IRAG2: variants seen among roughly 807,000 people sequenced by gnomAD.
IRAG2 encodes inositol 1,4,5-triphosphate receptor associated 2.
IRAG2 carries 45 observed loss-of-function variants against 69.9 expected under a neutral mutation model. The observed-to-expected ratio is 0.64, with a 90% confidence interval of 0.51 to 0.83. The LOEUF (loss-of-function observed/expected upper bound fraction) is 0.83. Among genes scored for constraint, IRAG2 ranks in the 40% least tolerant of loss-of-function variants. The pLI is 0.00. For missense variants in IRAG2, 520 were observed against 587.0 expected, an observed-to-expected ratio of 0.89 and a Z score of 1.18; for synonymous variants, 193 against 202.4, an observed-to-expected ratio of 0.95 and a Z score of 0.40.
intron 8 of IRAG2, among the ~76,000 whole-genome samples, chr12:25,024,668 ATG>A (rs1313072531): frequency 6.6e-6 from 1 of 152,202 alleles, no homozygotes; most frequent in Non-Finnish European, 1.5e-5. Context: ...GTTATTCAAA[ATG>A]TGGGCCAAGT....
chr12:25,035,298 A>G (rs1039397175), intron 13 of IRAG2, among the ~76,000 whole-genome samples: 1 of 152,220 alleles, frequency 6.6e-6, no homozygotes, highest in African/African-American at 2.4e-5. Flanking sequence ...AAAAGAAGCC[A>G]ACCTGTTTTC....
At chr12:25,079,153 A>T in intron 6 of IRAG2, 91 bp from the exon 7 acceptor site, 1 of 1,280,922 alleles carries the variant, frequency 7.8e-7, no homozygotes. Flanking sequence ...GGGTTCATTT[A>T]GAATTGTATG....
chr12:25,104,195 T>C, intron 19 of IRAG2, 137 bp downstream of exon 19: 1 of 869,972 alleles, frequency 1.1e-6, no homozygotes, highest in South Asian at 1.7e-5. Flanking sequence ...TATAAATTGG[T>C]ATCTAATTAT....
intron 15 of IRAG2, among the ~76,000 whole-genome samples, chr12:25,098,451 G>A (rs556686976): frequency 6.6e-6 from 1 of 152,294 alleles, no homozygotes; most frequent in South Asian, 2.1e-4. Flanking sequence ...CTCCCAGCGT[G>A]TGAATCCTTA....
chr12:25,032,176 T>C (rs1944673423), exon 11 of IRAG2: 1 of 399,056 alleles, frequency 2.5e-6, no homozygotes, highest in Non-Finnish European at 4.4e-6. Context: ...AAATCAACCA[T>C]CATAGAATAT....
At position 25,108,288 on chromosome 12, in the gene IRAG2, A is replaced by G. The variant is rs1039108671; in HGVS notation, c.*228A>G. 2 of 559,446 alleles carry G rather than the reference A, an allele frequency of 3.6e-6. No individual in the cohort carries two copies. The highest frequency in any genetic ancestry group is 3.8e-5 in the African/African-American group (2 of 53,170). The allele number at this position is 559,446 out of a possible 1,614,324, so 34.7% of individuals were successfully genotyped here. On this transcript the variant is annotated 3_prime_UTR_variant, in exon 22 of 22. Coordinates refer to ENST00000556887, the MANE Select transcript of IRAG2 (RefSeq NM_001366544.2). ...GAGCTTTTTAAGGAAGAAATATTAT[A>G]TATTGTTTGTTAAAGTTTATTGAAA...
chr12:25,046,796 A>T (rs1369544997), intron 16 of IRAG2, among the ~76,000 whole-genome samples: 7 of 152,188 alleles, frequency 4.6e-5, no homozygotes, highest in Admixed American at 3.9e-4. Flanking sequence ...CAAAAATTCC[A>T]ATCGCATTTT....
In IRAG2 at chr12:25,069,511, G is replaced by A. The variant is rs946763280; in HGVS notation, c.24+80G>A. The A allele has an allele frequency of 1.8e-5, 23 of 1,285,660 alleles. No individual in the cohort carries two copies. The Admixed American group carries it at 4.5e-4, about 25-fold the overall frequency. 79.6% of individuals were successfully genotyped at this position (1,285,660 alleles called of 1,614,324 possible). A position where few individuals can be genotyped will look rare whatever the true frequency, so the allele number is the denominator to read the frequency against. ...TCTTCTATGGGTATTCTTTTTCCCT[G>A]TCTTTTTTATTTTTTAAGTATTATG... On this transcript the variant is annotated intron_variant, in intron 6 of 21. Coordinates refer to ENST00000556887, the MANE Select transcript of IRAG2 (RefSeq NM_001366544.2).
intron 6 of IRAG2, among the ~76,000 whole-genome samples, chr12:25,077,372 A>AATATATATG (rs1946881514): frequency 3.0e-5 from 1 of 33,100 alleles, no homozygotes; most frequent in African/African-American, 1.3e-4. Flanking sequence ...ATATATATGA[A>AATATATATG]ATATATATAT....
chr12:25,022,948 A>AACAACATGTTGTTCAGGCCAAC (rs1012786776), intron 7 of IRAG2, among the ~76,000 whole-genome samples: 4 of 152,202 alleles, frequency 2.6e-5, no homozygotes, highest in Admixed American at 2.0e-4. Context: ...CAACATGGTG[A>AACAACATGTTGTTCAGGCCAAC]AACCCTGTCT....
chr12:25,103,234 G>T (rs1948851479), intron 17 of IRAG2: 1 of 152,422 alleles, frequency 6.6e-6, no homozygotes. Context: ...CAAATCTCAA[G>T]AAACACTTTC....
chr12:25,010,476 C>CA (rs11313967), intron 2 of IRAG2, among the ~76,000 whole-genome samples: 82 of 149,220 alleles, frequency 5.5e-4, no homozygotes, highest in Middle Eastern at 3.4e-3. Flanking sequence ...AAAAAACAAA[C>CA]AAAAAAAAAA....
Position 25,088,165 on chromosome 12 carries a change from A to G in IRAG2, c.373+8A>G, listed in dbSNP as rs1372260047. 13 of 1,610,220 alleles carry G rather than the reference A, an allele frequency of 8.1e-6. No individual in the cohort carries two copies. The South Asian group carries it at 8.8e-5, about 11-fold the overall frequency. On this transcript the variant is annotated splice_region_variant and intron_variant, in intron 11 of 21. Transcript: ENST00000556887. ...AAGAACATGCTTCAGGAGGTAAGGA[A>G]TGTTTCTTTCAATCCCCATGTGAAC...
chr12:25,080,658 A>G (rs1947145021), intron 9 of IRAG2, among the ~76,000 whole-genome samples: 1 of 152,176 alleles, frequency 6.6e-6, no homozygotes, highest in African/African-American at 2.4e-5. Context: ...GGCCAAGGAA[A>G]ATACATTCTA....
At position 25,104,479 on chromosome 12, in the gene IRAG2, G is replaced by A. The variant is rs1425614163; in HGVS notation, c.1148+17G>A. On this transcript the variant is annotated intron_variant, in intron 20 of 21. Transcript: ENST00000556887. Reference sequence around the variant, plus strand: ...TGAACTAAAGTAGGTGAAGCTCAGTGTGTTTATTAACCTGACATGAACTGG... The same window carrying A: ...TGAACTAAAGTAGGTGAAGCTCAGTATGTTTATTAACCTGACATGAACTGG... The A allele has an allele frequency of 7.0e-7, 1 of 1,435,464 alleles. No homozygotes were observed. Among genetic ancestry groups the A allele is most frequent in the South Asian group, 1.1e-5 (1 of 87,484 alleles). The allele number at this position is 1,435,464 out of a possible 1,614,324, so 88.9% of individuals were successfully genotyped here.
At chr12:25,007,305 AT>A (rs1416931668) in intron 2 of IRAG2, among the ~76,000 whole-genome samples, 1 of 152,224 alleles carries the variant, frequency 6.6e-6, no homozygotes, top group Non-Finnish European at 1.5e-5. Flanking sequence ...CATTATCATG[AT>A]TTTAAAAGTA....
chr12:25,099,758 T>A (rs1565587940), intron 15 of IRAG2, among the ~76,000 whole-genome samples: 1 of 151,968 alleles, frequency 6.6e-6, no homozygotes, highest in Non-Finnish European at 1.5e-5. Context: ...TCCTAGCACC[T>A]TGGGAGGCCA....
intron 1 of IRAG2, chr12:25,005,176 A>C (rs1944421614): frequency 1.1e-6 from 1 of 882,592 alleles, no homozygotes; most frequent in African/African-American, 1.7e-5. Flanking sequence ...ACCAAAAAAA[A>C]AAAAGGAAAA....
At chr12:25,083,336 C>T (rs1947351871) in intron 9 of IRAG2, 87 bp from the exon 10 acceptor site, 5 of 814,380 alleles carry the variant, frequency 6.1e-6, no homozygotes, top group Admixed American at 1.7e-5. Flanking sequence ...AGTTACTGGT[C>T]AGCCCATATT....
Sources: gnomAD v4.1 joint callset for allele counts (sites outside exome capture counted in the v4.1 genomes callset) on GRCh38, gnomAD v4.1.1 for gene constraint, MANE v1.5 for transcripts, NCBI Gene and HGNC (gene_info 2026-07-23, HGNC 2026-07-21) for gene names.